The following MYO5B variants were observed in gnomAD, a reference collection of about 807,000 sequenced individuals.
MYO5B encodes myosin VB, also known as unconventional myosin-Vb.
Under a neutral mutation model 229.3 loss-of-function variants are expected in MYO5B, and 143 were observed. The ratio of observed to expected loss-of-function variants is 0.62; its 90% CI spans 0.54 to 0.72. The LOEUF (loss-of-function observed/expected upper bound fraction) is 0.72. MYO5B is among the 30% of genes least tolerant of loss of function. MYO5B has a pLI of 0.00. For synonymous variants in MYO5B, 918 were observed against 885.2 expected (o/e 1.04, Z -0.66); for missense variants, 2,321 against 2,331.0 (o/e 1.00, Z 0.09).
intron 14 of MYO5B, among the ~76,000 whole-genome samples, chr18:49,940,172 T>A (rs985762595): frequency 6.6e-6 from 1 of 152,252 alleles, no homozygotes; most frequent in African/African-American, 2.4e-5. Context: ...TAATTCACTA[T>A]TCTAGGTGAA....
At chr18:50,125,914 T>C (rs2032154682) in intron 1 of MYO5B, among the ~76,000 whole-genome samples, 1 of 152,150 alleles carries the variant, frequency 6.6e-6, no homozygotes, top group South Asian at 2.1e-4. Context: ...AGGACAAGAC[T>C]GTATGACTCC....
intron 25 of MYO5B, among the ~76,000 whole-genome samples, chr18:49,877,555 T>C (rs1399340547): frequency 2.0e-5 from 3 of 152,184 alleles, no homozygotes; most frequent in African/African-American, 7.2e-5. Context: ...AGGTGAACAA[T>C]AATGTATTGC....
intron 1 of MYO5B, among the ~76,000 whole-genome samples, chr18:50,103,140 AGGC>A (rs2031687387): frequency 6.6e-6 from 1 of 152,238 alleles, no homozygotes; most frequent in Admixed American, 6.5e-5. Context: ...ACTAGCCAGG[AGGC>A]CCACTTTGTG....
intron 1 of MYO5B, among the ~76,000 whole-genome samples, chr18:50,058,628 T>C (rs2030610659): frequency 6.6e-6 from 1 of 152,126 alleles, no homozygotes; most frequent in Non-Finnish European, 1.5e-5. Flanking sequence ...CTGGCCAACA[T>C]GGTAAAACCC....
chr18:50,068,461 A>G (rs1188959834), intron 1 of MYO5B, among the ~76,000 whole-genome samples: 1 of 152,186 alleles, frequency 6.6e-6, no homozygotes, highest in East Asian at 1.9e-4. Context: ...GCCCCCATAG[A>G]TCAGAGTCTG....
intron 4 of MYO5B, among the ~76,000 whole-genome samples, chr18:50,019,753 AGG>A (rs2026254572): frequency 2.0e-5 from 3 of 152,316 alleles, no homozygotes; most frequent in Non-Finnish European, 2.9e-5. Context: ...CACAAATTCA[AGG>A]CAGGGCCCAG....
intron 26 of MYO5B, among the ~76,000 whole-genome samples, chr18:49,874,522 G>A (rs192240118): frequency 1.9e-4 from 29 of 152,194 alleles, no homozygotes; most frequent in African/African-American, 6.7e-4. Context: ...TAAACCCATC[G>A]GCAAGATTTA....
intron 27 of MYO5B, chr18:49,871,511 G>C (rs1568619162): frequency 1.9e-5 from 3 of 157,510 alleles, no homozygotes; most frequent in Non-Finnish European, 4.2e-5. Flanking sequence ...CCTGGGCAAT[G>C]TAGCTGTTAC....
At chr18:50,135,567 G>A (rs1014850457) in intron 1 of MYO5B, among the ~76,000 whole-genome samples, 1 of 152,186 alleles carries the variant, frequency 6.6e-6, no homozygotes, top group Non-Finnish European at 1.5e-5. Flanking sequence ...ACACCTCTCT[G>A]GTTGAAAGGG....
At chr18:49,930,658 C>T (rs549742487) in intron 16 of MYO5B, among the ~76,000 whole-genome samples, 11 of 152,084 alleles carry the variant, frequency 7.2e-5, no homozygotes, top group South Asian at 4.2e-4. Flanking sequence ...TTTGGGAGGC[C>T]GAGGTGGGTG....
intron 1 of MYO5B, among the ~76,000 whole-genome samples, chr18:50,087,503 G>C (rs567568017): frequency 2.6e-5 from 4 of 151,104 alleles, no homozygotes; most frequent in African/African-American, 9.8e-5. Context: ...AACCTGGGAA[G>C]TGGAGGTTGC....
intron 5 of MYO5B, among the ~76,000 whole-genome samples, chr18:49,998,296 A>T (rs11878029): frequency 6.6e-6 from 1 of 152,192 alleles, no homozygotes; most frequent in African/African-American, 2.4e-5. Context: ...AATTTGCACA[A>T]GGCAGAAAAT....
At chr18:50,105,415 T>C (rs2031739647) in intron 1 of MYO5B, among the ~76,000 whole-genome samples, 1 of 152,020 alleles carries the variant, frequency 6.6e-6, no homozygotes, top group African/African-American at 2.4e-5. Context: ...CAAAACAGTG[T>C]AGCTATGAAG....
chr18:49,913,662 A>G (rs2024982108), intron 17 of MYO5B, among the ~76,000 whole-genome samples: 1 of 152,158 alleles, frequency 6.6e-6, no homozygotes, highest in Admixed American at 6.5e-5. Context: ...TCCCTGGCAA[A>G]GGCCCTACCC....
chr18:50,103,071 C>A (rs1484973298), intron 1 of MYO5B, among the ~76,000 whole-genome samples: 3 of 152,224 alleles, frequency 2.0e-5, no homozygotes, highest in Non-Finnish European at 4.4e-5. Context: ...CCCGCCTGTC[C>A]TTGTTCTGAC....
chr18:49,981,289 A>C (rs2025811408), intron 8 of MYO5B, among the ~76,000 whole-genome samples: 1 of 152,272 alleles, frequency 6.6e-6, no homozygotes, highest in Admixed American at 6.5e-5. Flanking sequence ...GAACAATAGA[A>C]TGAATACCAG....
At chr18:50,110,490 T>C (rs1191549124) in intron 1 of MYO5B, among the ~76,000 whole-genome samples, 1 of 152,168 alleles carries the variant, frequency 6.6e-6, no homozygotes, top group Non-Finnish European at 1.5e-5. Flanking sequence ...ATTAAGCACC[T>C]TGCCCAGTAC....
chr18:49,834,726 C>T (rs2023966062), intron 39 of MYO5B, among the ~76,000 whole-genome samples: 1 of 152,138 alleles, frequency 6.6e-6, no homozygotes, highest in African/African-American at 2.4e-5. Context: ...GCAAGCTCCG[C>T]CTCCCAGGTT....
At chr18:49,917,209 T>C (rs575373723) in intron 17 of MYO5B, among the ~76,000 whole-genome samples, 1 of 152,358 alleles carries the variant, frequency 6.6e-6, no homozygotes, top group South Asian at 2.1e-4. Flanking sequence ...CTGTCTCTGA[T>C]CCACGTTTAA....
Sources: gnomAD v4.1 joint callset for allele counts (sites outside exome capture counted in the v4.1 genomes callset) on GRCh38, gnomAD v4.1.1 for gene constraint, MANE v1.5 for transcripts, NCBI Gene and HGNC (gene_info 2026-07-23, HGNC 2026-07-21) for gene names.